Variants in IDE observed in about 807,000 individuals in gnomAD.
IDE encodes insulin degrading enzyme, also known as insulin-degrading enzyme.
A neutral mutation model predicts 133.2 loss-of-function variants in IDE; 58 were observed. The ratio of observed to expected loss-of-function variants is 0.44; its 90% confidence interval spans 0.35 to 0.54. IDE has a LOEUF of 0.54. Ranked by LOEUF, IDE falls within the 20% of genes least tolerant of loss-of-function variation. The pLI, the probability that IDE is intolerant of heterozygous loss-of-function variation, is 0.00. For synonymous variants in IDE, 396 were observed against 421.3 expected (o/e 0.94, Z 0.73); for missense variants, 981 against 1,234.0 (o/e 0.79, Z 3.07).
chr10:92,517,192 AC>A (rs1263409298), intron 4 of IDE, among the ~76,000 whole-genome samples: 2 of 152,202 alleles, frequency 1.3e-5, no homozygotes, highest in Non-Finnish European at 1.5e-5. Flanking sequence ...ACAGAAAGCC[AC>A]CAGATGGCGC....
At chr10:92,534,319 T>G (rs1034084170) in intron 3 of IDE, among the ~76,000 whole-genome samples, 2 of 152,216 alleles carry the variant, frequency 1.3e-5, no homozygotes, top group African/African-American at 4.8e-5. Flanking sequence ...TTAGTCCTCA[T>G]CACATGCTTT....
intron 14 of IDE, chr10:92,480,845 C>T (rs1846562645): frequency 1.2e-5 from 7 of 563,996 alleles, no homozygotes; most frequent in Non-Finnish European, 1.6e-5. Context: ...CTTCCTGCCT[C>T]GGCTTCCCAA....
Position 92,451,872 on chromosome 10 carries a change from T to C in IDE, c.*2572A>G, listed in dbSNP as rs559172255. 1 of 152,246 alleles carries C rather than the reference T, an allele frequency of 6.6e-6. No homozygotes were observed. Among genetic ancestry groups the C allele is most frequent in the Non-Finnish European group, 1.5e-5 (1 of 68,050 alleles). The allele number at this position is 152,246 out of a possible 1,614,324, so 9.4% of individuals were successfully genotyped here. A position where few individuals can be genotyped will look rare whatever the true frequency, so the allele number is the denominator to read the frequency against. ...CAGCTGGAGATGTGGCAAGAAGATG[T>C]AAGGACTCATTGTAGAGGAGAGAAA... On this transcript the variant is annotated 3_prime_UTR_variant, in exon 25 of 25. Transcript: ENST00000265986.
In IDE at chr10:92,524,469, A is replaced by T. The variant is rs1161905912; in HGVS notation, c.661+7279T>A. 5.7e-3 allele frequency among the ~76,000 whole-genome samples: 385 copies of T among 67,396 alleles called. 31 individuals are homozygous for T. Among genetic ancestry groups the T allele is most frequent in the African/African-American group, 0.014 (195 of 13,820 alleles). 44.2% of individuals were successfully genotyped at this position (67,396 alleles called of 152,430 possible). A position where few individuals can be genotyped will look rare whatever the true frequency, so the allele number is the denominator to read the frequency against. On this transcript the variant is annotated intron_variant, in intron 4 of 24. Transcript: ENST00000265986. ...ATTTTATATATTATATATTTTATAT[A>T]ATATATAATATATATTATATTATAA...
At chr10:92,492,442 T>C (rs552034885) in intron 11 of IDE, among the ~76,000 whole-genome samples, 13 of 152,264 alleles carry the variant, frequency 8.5e-5, no homozygotes, top group South Asian at 2.1e-4. Flanking sequence ...CTTTTAATCA[T>C]TGAAGTTGGA....
chr10:92,526,795 A>G (rs900483986), intron 4 of IDE, among the ~76,000 whole-genome samples: 3 of 150,824 alleles, frequency 2.0e-5, no homozygotes, highest in Non-Finnish European at 4.4e-5. Flanking sequence ...ACAGAGTGCC[A>G]AGATTGCACC....
chr10:92,566,478 GTTA>G (rs1161936013), intron 1 of IDE, among the ~76,000 whole-genome samples: 1 of 151,434 alleles, frequency 6.6e-6, no homozygotes, highest in Non-Finnish European at 1.5e-5. Flanking sequence ...TAAACTGGAG[GTTA>G]TGATGATAAG....
At chr10:92,517,591 A>AT (rs1329994050) in intron 4 of IDE, among the ~76,000 whole-genome samples, 10 of 151,578 alleles carry the variant, frequency 6.6e-5, no homozygotes, top group East Asian at 5.8e-4. Context: ...AATTATTTTT[A>AT]TTTTTTTTGG....
chr10:92,466,396 A>C (rs573897878), intron 19 of IDE, among the ~76,000 whole-genome samples: 1 of 151,800 alleles, frequency 6.6e-6, no homozygotes, highest in Non-Finnish European at 1.5e-5. Flanking sequence ...AGCTCACTGC[A>C]ACCTCCGCCT....
intron 2 of IDE, among the ~76,000 whole-genome samples, chr10:92,536,220 T>C (rs1841994182): frequency 6.7e-6 from 1 of 149,782 alleles, no homozygotes; most frequent in South Asian, 2.1e-4. Context: ...TCATCTCTAC[T>C]AAAAATACCC....
intron 13 of IDE, 32 bp downstream of exon 13, chr10:92,487,164 C>A (rs770386849): frequency 1.3e-6 from 2 of 1,595,486 alleles, no homozygotes; most frequent in Non-Finnish European, 1.7e-6. Flanking sequence ...GTCTGTCCCC[C>A]AAATTTAAAA....
At chr10:92,506,188 G>A (rs999790438) in intron 10 of IDE, among the ~76,000 whole-genome samples, 1 of 152,168 alleles carries the variant, frequency 6.6e-6, no homozygotes, top group East Asian at 1.9e-4. Flanking sequence ...CTGATATGCT[G>A]TAGAACTGAA....
At chr10:92,503,646 G>A (rs186880571) in intron 11 of IDE, among the ~76,000 whole-genome samples, 1 of 151,862 alleles carries the variant, frequency 6.6e-6, no homozygotes, top group Admixed American at 6.6e-5. Flanking sequence ...ATGAAGCTTT[G>A]ATAATATGTC....
intron 15 of IDE, among the ~76,000 whole-genome samples, chr10:92,477,558 G>A (rs1846337978): frequency 6.6e-6 from 1 of 152,226 alleles, no homozygotes; most frequent in African/African-American, 2.4e-5. Context: ...ACGCAAAGCA[G>A]TAGGGGATAT....
chr10:92,517,898 A>G (rs1383605201), intron 4 of IDE, among the ~76,000 whole-genome samples: 1 of 152,180 alleles, frequency 6.6e-6, no homozygotes, highest in Non-Finnish European at 1.5e-5. Context: ...CCTGGGTGAC[A>G]GAGTGAGACT....
intron 11 of IDE, chr10:92,497,887 T>C (rs1013261412): frequency 3.1e-5 from 5 of 159,820 alleles, no homozygotes; most frequent in African/African-American, 1.2e-4. Flanking sequence ...AAGTAAAACA[T>C]ATGCTCCAGC....
intron 3 of IDE, among the ~76,000 whole-genome samples, chr10:92,533,715 CAAA>C (rs35455474): frequency 1.7e-4 from 20 of 119,338 alleles, no homozygotes; most frequent in African/African-American, 4.9e-4. Flanking sequence ...AAAAATTGAC[CAAA>C]AAAAAAAAAA....
chr10:92,497,831 G>A, intron 11 of IDE: 2 of 253,792 alleles, frequency 7.9e-6, no homozygotes, highest in Non-Finnish European at 1.2e-5. Context: ...GTAAAAAGAG[G>A]TATTTAATTG....
At chr10:92,499,830 T>C (rs1017601126) in intron 11 of IDE, among the ~76,000 whole-genome samples, 2 of 152,208 alleles carry the variant, frequency 1.3e-5, no homozygotes, top group African/African-American at 4.8e-5. Flanking sequence ...TTCTGGAAGT[T>C]TTATAGATTT....
Sources: allele counts gnomAD v4.1 joint callset (sites outside exome capture counted in the v4.1 genomes callset), GRCh38; gene constraint gnomAD v4.1.1; transcripts MANE v1.5; gene names NCBI Gene and HGNC (gene_info 2026-07-23, HGNC 2026-07-21).